The following TMEM132D variants were observed in gnomAD, a reference collection of about 807,000 sequenced individuals.
The protein encoded by TMEM132D is transmembrane protein 132D.
Under a neutral mutation model 62.3 loss-of-function variants are expected in TMEM132D, and 21 were observed. The observed-to-expected ratio is 0.34, with a 90% CI of 0.24 to 0.49. TMEM132D has a LOEUF of 0.49. Among genes scored for constraint, TMEM132D ranks in the 20% least tolerant of loss-of-function variants. TMEM132D has a pLI of 0.99. For missense variants in TMEM132D, 1,346 were observed against 1,402.8 expected, an observed-to-expected ratio of 0.96 and a Z score of 0.65; for synonymous variants, 621 against 575.6, an observed-to-expected ratio of 1.08 and a Z score of -1.13.
chr12:129,207,067 A>G (rs1878869963), intron 5 of TMEM132D, among the ~76,000 whole-genome samples: 1 of 152,158 alleles, frequency 6.6e-6, no homozygotes, highest in South Asian at 2.1e-4. Context: ...TGACCTATTA[A>G]TATATAACAA....
At chr12:129,380,721 C>CT (rs1224191362) in intron 3 of TMEM132D, among the ~76,000 whole-genome samples, 2 of 152,116 alleles carry the variant, frequency 1.3e-5, no homozygotes. Flanking sequence ...CCTCTCCTGT[C>CT]CCCCATCCCC....
chr12:129,466,780 G>T (rs1254331912), intron 3 of TMEM132D, among the ~76,000 whole-genome samples: 2 of 152,128 alleles, frequency 1.3e-5, no homozygotes, highest in African/African-American at 2.4e-5. Context: ...ATTTCCTTAG[G>T]CTTGAATGCT....
chr12:129,374,269 C>CAGAGAGAGAGAGAGAGAGAGAGAGAG lies in TMEM132D; in HGVS notation c.1116-36478_1116-36453dup, dbSNP rs35178347. ...GCCTTCTCACTGTAACCTCACACAT[C>CAGAGAGAGAGAGAGAGAGAGAGAGAG]AGAGAGAGAGAGAGAGAGAGAGAGA... On this transcript the variant is annotated intron_variant, in intron 3 of 8. Coordinates refer to ENST00000422113, the MANE Select transcript of TMEM132D (RefSeq NM_133448.3). 8.3e-4 allele frequency among the ~76,000 whole-genome samples: 120 copies of CAGAGAGAGAGAGAGAGAGAGAGAGAG among 144,360 alleles called. 1 individual carries two copies. Among genetic ancestry groups the CAGAGAGAGAGAGAGAGAGAGAGAGAG allele is most frequent in the African/African-American group, 2.7e-3 (102 of 38,046 alleles). The allele number at this position is 144,360 out of a possible 152,430, so 94.7% of individuals were successfully genotyped here.
At chr12:129,771,718 C>T (rs553381173) in intron 1 of TMEM132D, among the ~76,000 whole-genome samples, 44 of 152,326 alleles carry the variant, frequency 2.9e-4, no homozygotes, top group Non-Finnish European at 5.3e-4. Context: ...TGGGTAATCC[C>T]GGTTAACAAT....
chr12:129,207,869 G>C (rs1024195527), intron 5 of TMEM132D, among the ~76,000 whole-genome samples: 1 of 152,162 alleles, frequency 6.6e-6, no homozygotes, highest in African/African-American at 2.4e-5. Context: ...GTGTAACTGA[G>C]ATAGCCTCCA....
At chr12:129,585,542 A>T (rs1021685505) in intron 2 of TMEM132D, among the ~76,000 whole-genome samples, 1 of 152,240 alleles carries the variant, frequency 6.6e-6, no homozygotes, top group Admixed American at 6.5e-5. Context: ...GATTATTGGC[A>T]TGTAAGGAGC....
intron 3 of TMEM132D, among the ~76,000 whole-genome samples, chr12:129,389,763 C>T (rs1269197871): frequency 1.3e-5 from 2 of 152,222 alleles, no homozygotes; most frequent in Non-Finnish European, 2.9e-5. Flanking sequence ...TTACTCACTT[C>T]ATTCATAAAC....
intron 5 of TMEM132D, among the ~76,000 whole-genome samples, chr12:129,117,412 A>G (rs1875928199): frequency 6.6e-6 from 1 of 152,150 alleles, no homozygotes; most frequent in South Asian, 2.1e-4. Context: ...GTGAACCCTA[A>G]TTTGAGCTTT....
chr12:129,362,614 A>C (rs959015201), intron 3 of TMEM132D, among the ~76,000 whole-genome samples: 5 of 152,026 alleles, frequency 3.3e-5, no homozygotes, highest in Non-Finnish European at 7.4e-5. Context: ...TCTTATTTTA[A>C]AAAAACAATT....
At chr12:129,884,059 G>C (rs1044805976) in intron 1 of TMEM132D, among the ~76,000 whole-genome samples, 1 of 152,228 alleles carries the variant, frequency 6.6e-6, no homozygotes, top group African/African-American at 2.4e-5. Context: ...AGCCTCCCAA[G>C]AAACTAGGAC....
intron 3 of TMEM132D, among the ~76,000 whole-genome samples, chr12:129,380,401 T>A (rs10847846): frequency 0.4 from 60,749 of 151,894 alleles, 12,380 homozygotes; most frequent in Middle Eastern, 0.48. Flanking sequence ...TAGTTTCACA[T>A]GATCACGTAA....
chr12:129,713,522 A>G (rs971458217), intron 1 of TMEM132D, among the ~76,000 whole-genome samples: 3 of 151,832 alleles, frequency 2.0e-5, no homozygotes, highest in South Asian at 2.1e-4. Context: ...TTCTTAAACC[A>G]TAACCAGCCA....
At chr12:129,741,376 T>G (rs1314834391) in intron 1 of TMEM132D, among the ~76,000 whole-genome samples, 1 of 152,230 alleles carries the variant, frequency 6.6e-6, no homozygotes, top group East Asian at 1.9e-4. Flanking sequence ...AATTAGTGCC[T>G]GACACATTGT....
At chr12:129,370,841 T>C (rs1220178086) in intron 3 of TMEM132D, among the ~76,000 whole-genome samples, 2 of 152,022 alleles carry the variant, frequency 1.3e-5, no homozygotes, top group Non-Finnish European at 2.9e-5. Flanking sequence ...CTCATAAAGG[T>C]AGAAAGTAGA....
At chr12:129,860,594 C>CT (rs1873862471) in intron 1 of TMEM132D, among the ~76,000 whole-genome samples, 1 of 152,194 alleles carries the variant, frequency 6.6e-6, no homozygotes, top group South Asian at 2.1e-4. Context: ...TATAAAACTT[C>CT]TCATAACCTA....
chr12:129,513,523 C>T (rs1042273036), intron 3 of TMEM132D, among the ~76,000 whole-genome samples: 74 of 152,096 alleles, frequency 4.9e-4, no homozygotes, highest in Non-Finnish European at 5.0e-4. Flanking sequence ...CTCACTCTGT[C>T]GCCCGGGCTG....
chr12:129,580,737 A>G (rs541016134), intron 2 of TMEM132D, among the ~76,000 whole-genome samples: 219 of 151,518 alleles, frequency 1.4e-3, no homozygotes, highest in African/African-American at 5.0e-3. Context: ...ATAAAAATAA[A>G]TAAATAAATA....
intron 2 of TMEM132D, among the ~76,000 whole-genome samples, chr12:129,661,040 A>T (rs1240144103): frequency 6.6e-6 from 1 of 152,196 alleles, no homozygotes; most frequent in East Asian, 1.9e-4. Flanking sequence ...CTGAAACATA[A>T]GCCACTCCCC....
In TMEM132D at chr12:129,513,851, T is replaced by TATTAATTTATTTA. The variant is rs1426204608; in HGVS notation, c.1115+17207_1115+17208insTAAATAAATTAAT. 5.6e-5 allele frequency among the ~76,000 whole-genome samples: 8 copies of TATTAATTTATTTA among 141,726 alleles called. No individual in the cohort carries two copies. In the South Asian group the frequency reaches 6.7e-4, roughly 12 times the overall value. 93.0% of individuals were successfully genotyped at this position (141,726 alleles called of 152,430 possible). The stretch of plus-strand genomic sequence containing the variant: ...TTATTTATTTATTTATTTATTTATT[T>TATTAATTTATTTA]TTTTGAGACGGAGTCTCGCTCTGTC... On this transcript the variant is annotated intron_variant, in intron 3 of 8. Transcript: ENST00000422113.
Sources: gnomAD v4.1 joint callset for allele counts (sites outside exome capture counted in the v4.1 genomes callset) on GRCh38, gnomAD v4.1.1 for gene constraint, MANE v1.5 for transcripts, NCBI Gene and HGNC (gene_info 2026-07-23, HGNC 2026-07-21) for gene names.